Variants in ZBTB8A observed in about 807,000 individuals in gnomAD.
ZBTB8A encodes zinc finger and BTB domain containing 8A.
Under a neutral mutation model 37.8 loss-of-function variants are expected in ZBTB8A, and 19 were observed. The ratio of observed to expected loss-of-function variants is 0.50; its 90% CI spans 0.35 to 0.74. The LOEUF (loss-of-function observed/expected upper bound fraction) is 0.74. Ranked by LOEUF, ZBTB8A falls within the 30% of genes least tolerant of loss-of-function variation. The pLI is 0.01. For synonymous variants in ZBTB8A, 181 were observed against 185.2 expected, an observed-to-expected ratio of 0.98 and a Z score of 0.19; for missense variants, 394 against 537.8, an observed-to-expected ratio of 0.73 and a Z score of 2.65.
chr1:32,562,562 C>T (rs1047613868), intron 2 of ZBTB8A, among the ~76,000 whole-genome samples: 2 of 143,978 alleles, frequency 1.4e-5, no homozygotes, highest in Non-Finnish European at 3.0e-5. Flanking sequence ...TGAGCCACCG[C>T]GTCCGGCTTT....
At chr1:32,592,481 A>G (rs1644497235) in intron 2 of ZBTB8A, among the ~76,000 whole-genome samples, 1 of 151,752 alleles carries the variant, frequency 6.6e-6, no homozygotes, top group African/African-American at 2.4e-5. Flanking sequence ...TCAAGGTTGC[A>G]GTGAGCTTTT....
intron 2 of ZBTB8A, among the ~76,000 whole-genome samples, chr1:32,584,304 T>A (rs1223445520): frequency 1.3e-5 from 2 of 152,170 alleles, no homozygotes; most frequent in Non-Finnish European, 2.9e-5. Flanking sequence ...TATATTTTTT[T>A]AAGTTACCTA....
intron 2 of ZBTB8A, among the ~76,000 whole-genome samples, chr1:32,592,443 G>A (rs60420063): frequency 1.3e-5 from 2 of 151,908 alleles, no homozygotes; most frequent in Non-Finnish European, 2.9e-5. Flanking sequence ...GGGAGGCTGA[G>A]GTAGGAGGAT....
intron 1 of ZBTB8A, among the ~76,000 whole-genome samples, chr1:32,545,760 T>C (rs957100342): frequency 2.0e-5 from 3 of 152,234 alleles, no homozygotes; most frequent in Non-Finnish European, 4.4e-5. Flanking sequence ...TCTCTCTGGC[T>C]AGAACGCCTT....
rs1644029895 is a variant in ZBTB8A at position 32,539,510 on chromosome 1, G to A, written c.-146G>A. On this transcript the variant is annotated 5_prime_UTR_variant, in exon 1 of 5. Coordinates refer to ENST00000373510, the MANE Select transcript of ZBTB8A (RefSeq NM_001040441.3). ...GGCCTCGAAAGGGGGTCCTTCCCCAGCCGAGAACCAGGAATCTTCCCTCGG... is the reference window on the plus strand; with the variant it reads ...GGCCTCGAAAGGGGGTCCTTCCCCAACCGAGAACCAGGAATCTTCCCTCGG... 6.6e-6 allele frequency: 1 copy of A among 152,152 alleles called. No individual in the cohort carries two copies. The highest frequency in any genetic ancestry group is 1.5e-5 in the Non-Finnish European group (1 of 67,842). 9.4% of individuals were successfully genotyped at this position (152,152 alleles called of 1,614,324 possible).
rs540837711 is a variant in ZBTB8A, at chr1:32,575,872, G to T, written c.-1-17059G>T. The stretch of plus-strand genomic sequence containing the variant: ...TATCCCTGAAACAAACAAACGAAAA[G>T]AATATTGAGTACTTTTTTAGTATTC... On this transcript the variant is annotated intron_variant, in intron 2 of 4. Transcript: ENST00000373510. Among the ~76,000 whole-genome samples the T allele has an allele frequency of 2.0e-5, 3 of 151,910 alleles. No homozygotes were observed. The South Asian group carries it at 6.2e-4, about 32-fold the overall frequency.
Position 32,584,204 on chromosome 1 carries a change from G to A in ZBTB8A, c.-1-8727G>A, listed in dbSNP as rs1262045961. ...CAGAAGATAGAATGAAATAAAGAAG[G>A]ATTCCTCCCTTACAGGTTTCAGAAA... On this transcript the variant is annotated intron_variant, in intron 2 of 4. Transcript: ENST00000373510. Among the ~76,000 whole-genome samples, 3 of 152,006 alleles carry A rather than the reference G, an allele frequency of 2.0e-5. No individual in the cohort carries two copies. In the East Asian group the frequency reaches 5.8e-4, roughly 29 times the overall value.
In ZBTB8A at chr1:32,583,964, A is replaced by G. The variant is rs891967376; in HGVS notation, c.-1-8967A>G. 1.6e-4 allele frequency among the ~76,000 whole-genome samples: 25 copies of G among 152,168 alleles called. 1 individual carries two copies. The highest frequency in any genetic ancestry group is 1.4e-3 in the Admixed American group (22 of 15,258). On this transcript the variant is annotated intron_variant, in intron 2 of 4. Coordinates refer to ENST00000373510, the MANE Select transcript of ZBTB8A (RefSeq NM_001040441.3). Reference sequence around the variant, plus strand: ...TTACCATGTTGAGCTTACCATGGTGACCATGTTGGTCTCGAACTCTTGACC... The same window carrying G: ...TTACCATGTTGAGCTTACCATGGTGGCCATGTTGGTCTCGAACTCTTGACC...
At chr1:32,589,931 G>GAATGATT in intron 2 of ZBTB8A, among the ~76,000 whole-genome samples, 1 of 152,128 alleles carries the variant, frequency 6.6e-6, no homozygotes, top group East Asian at 1.9e-4. Flanking sequence ...GTACAGAGGG[G>GAATGATT]AATGATTTTG....
chr1:32,548,769 G>C (rs914718517), intron 1 of ZBTB8A, among the ~76,000 whole-genome samples: 1 of 152,182 alleles, frequency 6.6e-6, no homozygotes, highest in Non-Finnish European at 1.5e-5. Context: ...TCAAGGGCTT[G>C]TTATAAGCCA....
chr1:32,556,748 G>A (rs1644205967), intron 2 of ZBTB8A, among the ~76,000 whole-genome samples: 1 of 151,882 alleles, frequency 6.6e-6, no homozygotes, highest in Non-Finnish European at 1.5e-5. Flanking sequence ...GTGGTGGCGG[G>A]CACCTCTAGT....
chr1:32,547,641 AAAG>A (rs1359513159), intron 1 of ZBTB8A, among the ~76,000 whole-genome samples: 7 of 148,116 alleles, frequency 4.7e-5, no homozygotes, highest in African/African-American at 1.5e-4. Flanking sequence ...AAAAAAAAAA[AAAG>A]AAAGAAAAAA....
At chr1:32,550,433 G>A (rs1470783761) in intron 1 of ZBTB8A, among the ~76,000 whole-genome samples, 1 of 151,932 alleles carries the variant, frequency 6.6e-6, no homozygotes, top group Admixed American at 6.6e-5. Context: ...CCTGGGCAAC[G>A]TGGTGAGACC....
chr1:32,549,423 G>A (rs1297631432), intron 1 of ZBTB8A, among the ~76,000 whole-genome samples: 2 of 151,834 alleles, frequency 1.3e-5, no homozygotes, highest in Non-Finnish European at 2.9e-5. Flanking sequence ...GAACCCAAGA[G>A]GTAGAGGTTG....
intron 2 of ZBTB8A, among the ~76,000 whole-genome samples, chr1:32,566,973 G>C (rs929729231): frequency 2.0e-5 from 3 of 152,094 alleles, no homozygotes; most frequent in African/African-American, 7.2e-5. Flanking sequence ...AGCCACTGGA[G>C]GTCAAAGTAT....
intron 2 of ZBTB8A, among the ~76,000 whole-genome samples, chr1:32,582,813 T>C (rs1644417841): frequency 6.6e-6 from 1 of 152,102 alleles, no homozygotes; most frequent in Non-Finnish European, 1.5e-5. Flanking sequence ...AACAAGGTCA[T>C]ATAAGGACTC....
chr1:32,564,077 A>G (rs1266789000), intron 2 of ZBTB8A, among the ~76,000 whole-genome samples: 1 of 152,180 alleles, frequency 6.6e-6, no homozygotes, highest in African/African-American at 2.4e-5. Context: ...GCATGCTGTC[A>G]CTGGTCCTGA....
intron 1 of ZBTB8A, 125 bp downstream of exon 1, chr1:32,539,697 G>C (rs6663433): frequency 1.2e-3 from 175 of 147,102 alleles, no homozygotes; most frequent in Middle Eastern, 3.4e-3. Flanking sequence ...CGGGCCCCGG[G>C]CGCGCCTCCC....
chr1:32,575,744 C>G (rs1269312338), intron 2 of ZBTB8A, among the ~76,000 whole-genome samples: 1 of 151,542 alleles, frequency 6.6e-6, no homozygotes, highest in South Asian at 2.1e-4. Context: ...CCCAGCTACT[C>G]GGGGGGCTGA....
Sources: gnomAD v4.1 joint callset for allele counts (sites outside exome capture counted in the v4.1 genomes callset) on GRCh38, gnomAD v4.1.1 for gene constraint, MANE v1.5 for transcripts, NCBI Gene and HGNC (gene_info 2026-07-23, HGNC 2026-07-21) for gene names.